DDX19A: variants seen among roughly 807,000 people sequenced by gnomAD.
The protein encoded by DDX19A is DEAD-box helicase 19A, also known as ATP-dependent RNA helicase DDX19A.
DDX19A carries 12 observed loss-of-function variants against 60.6 expected under a neutral mutation model. That is an observed-to-expected ratio of 0.20 (90% confidence interval 0.13 to 0.32). DDX19A has a LOEUF of 0.32. Among genes scored for constraint, DDX19A ranks in the 10% least tolerant of loss-of-function variants. DDX19A has a pLI of 1.00. For synonymous variants in DDX19A, 206 were observed against 218.2 expected (o/e 0.94, Z 0.49); for missense variants, 337 against 600.6 (o/e 0.56, Z 4.59).
chr16:70,360,443 C>T (rs1049626690), intron 4 of DDX19A, among the ~76,000 whole-genome samples: 7 of 151,690 alleles, frequency 4.6e-5, no homozygotes, highest in Non-Finnish European at 1.0e-4. Flanking sequence ...GCCTCAATCT[C>T]CCAAGTAGCT....
chr16:70,370,911 G>A (rs916219270), intron 10 of DDX19A: 8 of 216,352 alleles, frequency 3.7e-5, no homozygotes, highest in Admixed American at 2.6e-4. Flanking sequence ...CAGGAGAATC[G>A]CTTGAACCCG....
chr16:70,370,187 A>G, intron 9 of DDX19A, 36 bp from the exon 10 acceptor site: 1 of 1,599,406 alleles, frequency 6.3e-7, no homozygotes, highest in Non-Finnish European at 8.5e-7. Flanking sequence ...TATATACTCA[A>G]ATACTTTCAT....
intron 5 of DDX19A, among the ~76,000 whole-genome samples, chr16:70,361,913 G>T (rs1467552605): frequency 2.0e-5 from 3 of 151,898 alleles, no homozygotes. Flanking sequence ...GCCCAAACCT[G>T]TAATCCTAGC....
chr16:70,356,388 C>G (rs1415341177), intron 4 of DDX19A, 141 bp downstream of exon 4: 3 of 1,331,436 alleles, frequency 2.3e-6, no homozygotes, highest in Admixed American at 2.3e-5. Context: ...CAGAGTTTCG[C>G]TCCTGTTGCC....
At chr16:70,367,927 A>G (rs1209026478) in intron 9 of DDX19A, among the ~76,000 whole-genome samples, 2 of 151,848 alleles carry the variant, frequency 1.3e-5, no homozygotes, top group Admixed American at 6.6e-5. Context: ...TGTAATCCCA[A>G]CACCTTTGGA....
In DDX19A at chr16:70,372,372, A is replaced by G. The variant is rs908343992; in HGVS notation, c.*386A>G. On this transcript the variant is annotated 3_prime_UTR_variant, in exon 12 of 12. Coordinates refer to ENST00000302243, the MANE Select transcript of DDX19A (RefSeq NM_018332.5). The stretch of plus-strand genomic sequence containing the variant: ...TTGTGCGGAAGAGGCTGAGTGGAAA[A>G]TGGTGTGAGCCCCACCGCTGTGCAT... 9 of 317,540 alleles carry G rather than the reference A, an allele frequency of 2.8e-5. No homozygotes were observed. The highest frequency in any genetic ancestry group is 2.0e-4 in the African/African-American group (9 of 46,006). 19.7% of individuals were successfully genotyped at this position (317,540 alleles called of 1,614,324 possible). A position where few individuals can be genotyped will look rare whatever the true frequency, so the allele number is the denominator to read the frequency against.
rs972230989 is a variant in DDX19A, at chr16:70,358,140, C to T, written c.293+1893C>T. ...CTACCTCCCGGGTTCAAGCGATTCTCGTTCCTCAGCCTCTCACGTAGCTGG... is the reference window on the plus strand; with the variant it reads ...CTACCTCCCGGGTTCAAGCGATTCTTGTTCCTCAGCCTCTCACGTAGCTGG... On this transcript the variant is annotated intron_variant, in intron 4 of 11. Coordinates refer to ENST00000302243, the MANE Select transcript of DDX19A (RefSeq NM_018332.5). Among the ~76,000 whole-genome samples the T allele has an allele frequency of 5.3e-5, 8 of 152,190 alleles. No homozygotes were observed. In the East Asian group the frequency reaches 7.7e-4, roughly 15 times the overall value.
At position 70,361,361 on chromosome 16, in the gene DDX19A, G is replaced by A. The variant is rs528247006; in HGVS notation, c.294-57G>A. 2.0e-5 allele frequency: 25 copies of A among 1,221,678 alleles called. No homozygotes were observed. The Admixed American group carries it at 2.1e-4, about 10-fold the overall frequency. The allele number at this position is 1,221,678 out of a possible 1,614,324, so 75.7% of individuals were successfully genotyped here. A position where few individuals can be genotyped will look rare whatever the true frequency, so the allele number is the denominator to read the frequency against. On this transcript the variant is annotated intron_variant, in intron 4 of 11. Coordinates refer to ENST00000302243, the MANE Select transcript of DDX19A (RefSeq NM_018332.5). ...TCTATAGAAAAAGATAAGATTCTAG[G>A]CCTCTAAAACAATTCTAACTTCTAG... is the stretch of plus-strand genomic sequence containing the variant.
intron 5 of DDX19A, among the ~76,000 whole-genome samples, chr16:70,362,358 A>AAC: frequency 6.6e-6 from 1 of 151,758 alleles, no homozygotes. Context: ...AAAAAAAAAA[A>AAC]AAAACTGGGT....
At chr16:70,369,200 A>G (rs1367961001) in intron 9 of DDX19A, among the ~76,000 whole-genome samples, 2 of 63,676 alleles carry the variant, frequency 3.1e-5, no homozygotes, top group African/African-American at 1.5e-4. Context: ...TTTTTTTTTG[A>G]AACGGAATCT....
chr16:70,366,010 G>A (rs575675204), intron 7 of DDX19A, 75 bp from the exon 8 acceptor site: 1 of 1,607,324 alleles, frequency 6.2e-7, no homozygotes, highest in East Asian at 2.2e-5. Context: ...AGTCCTAGAA[G>A]GATGGGCAGG....
chr16:70,350,449 G>A (rs1314890336), intron 1 of DDX19A, 108 bp from the exon 2 acceptor site: 2 of 686,510 alleles, frequency 2.9e-6, no homozygotes, highest in Non-Finnish European at 4.9e-6. Context: ...CTGAATACTG[G>A]TGCTGAAAGT....
At chr16:70,347,182 C>A in intron 1 of DDX19A, 134 bp downstream of exon 1, 2 of 844,732 alleles carry the variant, frequency 2.4e-6, no homozygotes, top group Non-Finnish European at 3.8e-6. Context: ...CAGTCACTTG[C>A]CCTTGATTTG....
intron 1 of DDX19A, among the ~76,000 whole-genome samples, chr16:70,348,711 A>G (rs1963927162): frequency 6.6e-6 from 1 of 151,766 alleles, no homozygotes; most frequent in South Asian, 2.1e-4. Flanking sequence ...AAACTGAGAC[A>G]GGCAGATCAG....
intron 1 of DDX19A, among the ~76,000 whole-genome samples, chr16:70,348,470 A>C (rs536329953): frequency 2.6e-5 from 4 of 152,036 alleles, no homozygotes; most frequent in Non-Finnish European, 5.9e-5. Flanking sequence ...TACTAAAAAT[A>C]CAAAAGTTAG....
intron 4 of DDX19A, among the ~76,000 whole-genome samples, chr16:70,359,891 G>T (rs368564931): frequency 6.6e-6 from 1 of 152,062 alleles, no homozygotes; most frequent in Non-Finnish European, 1.5e-5. Context: ...ATTTTGATTA[G>T]ACCTAAGTGA....
intron 2 of DDX19A, among the ~76,000 whole-genome samples, chr16:70,352,857 C>G (rs111234752): frequency 1.3e-5 from 2 of 150,672 alleles, no homozygotes; most frequent in African/African-American, 4.9e-5. Context: ...AGGCTGGTCT[C>G]GAACTCCTGA....
At chr16:70,368,597 T>C (rs960025165) in intron 9 of DDX19A, among the ~76,000 whole-genome samples, 2 of 151,758 alleles carry the variant, frequency 1.3e-5, no homozygotes, top group African/African-American at 4.8e-5. Context: ...TTTTTTTTTT[T>C]TAGACGGTCT....
rs775207 is a variant in DDX19A at position 70,366,029 on chromosome 16, T to C, written c.605-56T>C. 1.0e-3 allele frequency: 1,687 copies of C among 1,613,538 alleles called. 2 individuals carry two copies. The highest frequency in any genetic ancestry group is 1.3e-3 in the Non-Finnish European group (1,568 of 1,179,652). ...CTAGAAGGATGGGCAGGGCTTTGAT[T>C]TCCAGAGCTGGCTTTGCCTTTGAAA... On this transcript the variant is annotated intron_variant, in intron 7 of 11. Transcript: ENST00000302243.
Sources: allele counts gnomAD v4.1 joint callset (sites outside exome capture counted in the v4.1 genomes callset), GRCh38; gene constraint gnomAD v4.1.1; transcripts MANE v1.5; gene names NCBI Gene and HGNC (gene_info 2026-07-23, HGNC 2026-07-21).